The following CHL1 variants were observed in gnomAD, a reference collection of about 807,000 sequenced individuals.
CHL1 encodes cell adhesion molecule L1 like, also known as neural cell adhesion molecule L1-like protein.
In CHL1, 96 loss-of-function variants were observed where a neutral mutation model predicts 141.9. The observed-to-expected ratio is 0.68, with a 90% confidence interval of 0.57 to 0.80. The LOEUF (loss-of-function observed/expected upper bound fraction) is 0.80, where lower values mean the gene tolerates loss of function less well. CHL1 is among the 30% of genes least tolerant of loss of function. CHL1 has a pLI of 0.00. For synonymous variants in CHL1, 613 were observed against 502.2 expected, an observed-to-expected ratio of 1.22 and a Z score of -2.95; for missense variants, 1,820 against 1,457.2, an observed-to-expected ratio of 1.25 and a Z score of -4.05.
chr3:402,557 C>A (rs1425780496), intron 27 of CHL1, among the ~76,000 whole-genome samples: 1 of 152,090 alleles, frequency 6.6e-6, no homozygotes, highest in Non-Finnish European at 1.5e-5. Context: ...CATGGGAAAC[C>A]AGAGTTTATA....
chr3:285,093 G>T (rs1380022108), intron 2 of CHL1, among the ~76,000 whole-genome samples: 1 of 152,182 alleles, frequency 6.6e-6, no homozygotes. Context: ...GTTTAAACAT[G>T]CTTACGCATG....
intron 2 of CHL1, among the ~76,000 whole-genome samples, chr3:273,381 T>C (rs962357727): frequency 1.3e-5 from 2 of 152,200 alleles, no homozygotes; most frequent in Admixed American, 1.3e-4. Context: ...ATGTTTTAGT[T>C]TAGCTATGTT....
intron 15 of CHL1, among the ~76,000 whole-genome samples, chr3:368,785 G>C (rs1705229990): frequency 6.6e-6 from 1 of 152,162 alleles, no homozygotes; most frequent in South Asian, 2.1e-4. Flanking sequence ...GTGTAAGGAA[G>C]GGGTTTACTT....
rs527780759 is a variant in CHL1 at position 342,162 on chromosome 3, T to A, written c.679+80T>A. 11 of 1,309,340 alleles carry A rather than the reference T, an allele frequency of 8.4e-6. No homozygotes were observed. In the East Asian group the frequency reaches 2.2e-4, roughly 26 times the overall value. 81.1% of individuals were successfully genotyped at this position (1,309,340 alleles called of 1,614,324 possible). A position where few individuals can be genotyped will look rare whatever the true frequency, so the allele number is the denominator to read the frequency against. On this transcript the variant is annotated intron_variant, in intron 7 of 27. Coordinates refer to ENST00000256509, the MANE Select transcript of CHL1 (RefSeq NM_006614.4). ...TAATTTCCTTCTGGCTGAAGCCATT[T>A]AAAGCTGGGTTGATATTTTGCACCA...
intron 1 of CHL1, among the ~76,000 whole-genome samples, chr3:238,944 A>G (rs1559318124): frequency 8.9e-6 from 1 of 111,814 alleles, no homozygotes; most frequent in African/African-American, 3.4e-5. Context: ...CAACAAACAA[A>G]CAAAACAAAA....
At position 256,497 on chromosome 3, in the gene CHL1, G is replaced by A. The variant is rs182854410; in HGVS notation, c.-95+11805G>A. On this transcript the variant is annotated intron_variant, in intron 2 of 27. Transcript: ENST00000256509. ...CAACCAGGAGTGATTTCGCCCTTCA[G>A]GAGCATTTGGTAACATTTGGAAATA... Among the ~76,000 whole-genome samples the A allele has an allele frequency of 2.6e-5, 4 of 152,302 alleles. No homozygotes were observed. In the East Asian group the frequency reaches 7.7e-4, roughly 29 times the overall value.
chr3:372,280 T>C (rs1187704369), intron 15 of CHL1, among the ~76,000 whole-genome samples: 1 of 152,176 alleles, frequency 6.6e-6, no homozygotes, highest in Non-Finnish European at 1.5e-5. Context: ...TGAAGTCCCG[T>C]ATTTCTTGAA....
In CHL1 at chr3:300,240, G is replaced by T. The variant is rs1698603623; in HGVS notation, c.-94-19443G>T. Among the ~76,000 whole-genome samples, 4 of 152,148 alleles carry T rather than the reference G, an allele frequency of 2.6e-5. 1 individual carries two copies. Among genetic ancestry groups the T allele is most frequent in the Admixed American group, 2.6e-4 (4 of 15,270 alleles). On this transcript the variant is annotated intron_variant, in intron 2 of 27. Coordinates refer to ENST00000256509, the MANE Select transcript of CHL1 (RefSeq NM_006614.4). ...TTGAATCACTACAGTGAGCAGTGAGGCTACTTAGATAGAAATTGCCAGAAA... is the reference window on the plus strand; with the variant it reads ...TTGAATCACTACAGTGAGCAGTGAGTCTACTTAGATAGAAATTGCCAGAAA...
At position 409,254 on chromosome 3, in the gene CHL1, T is replaced by C. The variant is rs1439801362; in HGVS notation, c.*3543T>C. 6.6e-6 allele frequency: 1 copy of C among 152,092 alleles called. No individual in the cohort carries two copies. Among genetic ancestry groups the C allele is most frequent in the Non-Finnish European group, 1.5e-5 (1 of 67,970 alleles). The allele number at this position is 152,092 out of a possible 1,614,324, so 9.4% of individuals were successfully genotyped here. On this transcript the variant is annotated 3_prime_UTR_variant, in exon 28 of 28. Transcript: ENST00000256509. ...AGAACAGGTTCACGTGATTACCTTT[T>C]TCTTTTGGCTTGGATTAATATTCAT...
chr3:212,130 A>C (rs908333401), intron 1 of CHL1, among the ~76,000 whole-genome samples: 1 of 152,158 alleles, frequency 6.6e-6, no homozygotes, highest in Non-Finnish European at 1.5e-5. Context: ...ACAAATGCAG[A>C]GTGGTAGAGG....
intron 1 of CHL1, among the ~76,000 whole-genome samples, chr3:230,996 G>A (rs1701805988): frequency 6.6e-6 from 1 of 152,154 alleles, no homozygotes; most frequent in Non-Finnish European, 1.5e-5. Context: ...ATGTGTTTGT[G>A]ATCCTAATGG....
intron 2 of CHL1, among the ~76,000 whole-genome samples, chr3:294,230 A>T (rs1359157626): frequency 6.6e-6 from 1 of 152,022 alleles, no homozygotes; most frequent in African/African-American, 2.4e-5. Flanking sequence ...GAGGTTGGAG[A>T]ATCACTTGAG....
In CHL1 at chr3:341,929, C is replaced by A; in HGVS notation, c.526C>A (p.Gln176Lys). ...CTTTTCAGAATTAGAACACATCGAACAAGATGAAAGAGTATACATGAGCCA... is the reference window on the plus strand; with the variant it reads ...CTTTTCAGAATTAGAACACATCGAAAAAGATGAAAGAGTATACATGAGCCA... ...WMNIELEHIE[Q>K]DERVYMSQKG... is the part of the protein sequence containing the mutation. Residue 176 changes from glutamine to lysine, a missense_variant, in exon 7 of 28, where the codon CAA becomes AAA. Coordinates refer to ENST00000256509, the MANE Select transcript of CHL1 (RefSeq NM_006614.4). 3 of 1,605,034 alleles carry A rather than the reference C, an allele frequency of 1.9e-6. No individual in the cohort carries two copies. The highest frequency in any genetic ancestry group is 2.6e-6 in the Non-Finnish European group (3 of 1,173,480).
intron 2 of CHL1, among the ~76,000 whole-genome samples, chr3:278,507 C>G (rs1696354630): frequency 6.6e-6 from 1 of 152,174 alleles, no homozygotes; most frequent in Non-Finnish European, 1.5e-5. Flanking sequence ...TAGTACCTCT[C>G]AAAGCAATGA....
chr3:327,765 A>T (rs1441578880), intron 4 of CHL1, among the ~76,000 whole-genome samples: 2 of 151,964 alleles, frequency 1.3e-5, no homozygotes, highest in Non-Finnish European at 2.9e-5. Flanking sequence ...AATAGGAAAT[A>T]TTAGCAAGTG....
chr3:363,133 C>G (rs959177817), intron 13 of CHL1, 84 bp from the exon 14 acceptor site: 1 of 1,155,652 alleles, frequency 8.7e-7, no homozygotes, highest in Non-Finnish European at 1.2e-6. Flanking sequence ...AGGGGATTAG[C>G]CTGAATGACG....
Position 408,358 on chromosome 3 carries a change from C to T in CHL1, c.*2647C>T, listed in dbSNP as rs1171123640. On this transcript the variant is annotated 3_prime_UTR_variant, in exon 28 of 28. Coordinates refer to ENST00000256509, the MANE Select transcript of CHL1 (RefSeq NM_006614.4). Reference sequence around the variant, plus strand: ...TGGGCATGAGTTCCTAGAGAACTGTCCAAGGGTTGGGAAAATCCAAATTCT... The same window carrying T: ...TGGGCATGAGTTCCTAGAGAACTGTTCAAGGGTTGGGAAAATCCAAATTCT... 3.3e-5 allele frequency: 5 copies of T among 152,140 alleles called. No homozygotes were observed. The East Asian group carries it at 9.7e-4, about 29-fold the overall frequency. The allele number at this position is 152,140 out of a possible 1,614,324, so 9.4% of individuals were successfully genotyped here. A position where few individuals can be genotyped will look rare whatever the true frequency, so the allele number is the denominator to read the frequency against.
At chr3:239,968 C>T (rs1261197713) in intron 1 of CHL1, among the ~76,000 whole-genome samples, 4 of 152,218 alleles carry the variant, frequency 2.6e-5, no homozygotes, top group East Asian at 1.9e-4. Flanking sequence ...TATATATTTA[C>T]CACAATTTCT....
At chr3:311,622 A>C (rs967244909) in intron 2 of CHL1, among the ~76,000 whole-genome samples, 3 of 152,210 alleles carry the variant, frequency 2.0e-5, no homozygotes, top group African/African-American at 4.8e-5. Flanking sequence ...GGCTAGAGGA[A>C]CACAAACAGG....
Sources: allele counts gnomAD v4.1 joint callset (sites outside exome capture counted in the v4.1 genomes callset), GRCh38; gene constraint gnomAD v4.1.1; transcripts MANE v1.5; gene names NCBI Gene and HGNC (gene_info 2026-07-23, HGNC 2026-07-21).